Variants in PIK3C2G observed in about 807,000 individuals in gnomAD.
The protein encoded by PIK3C2G is phosphatidylinositol-4-phosphate 3-kinase catalytic subunit type 2 gamma, also known as phosphatidylinositol 3-kinase C2 domain-containing subunit gamma.
Under a neutral mutation model 181.1 loss-of-function variants are expected in PIK3C2G, and 168 were observed. That is an observed-to-expected ratio of 0.93 (90% CI 0.82 to 1.05). The LOEUF is 1.05. Among genes scored for constraint, PIK3C2G ranks in the 50% least tolerant of loss-of-function variants. The probability of loss-of-function intolerance (pLI) is 0.00; values close to 1 mark genes in which losing one functional copy is unlikely to be tolerated. For missense variants in PIK3C2G, 1,869 were observed against 1,732.8 expected (o/e 1.08, Z -1.40); for synonymous variants, 573 against 592.2 (o/e 0.97, Z 0.47).
intron 30 of PIK3C2G, among the ~76,000 whole-genome samples, chr12:18,595,463 G>A (rs1039071296): frequency 7.2e-5 from 11 of 152,104 alleles, no homozygotes; most frequent in African/African-American, 2.7e-4. Context: ...CCAGATACCT[G>A]TGTATCTAGG....
intron 31 of PIK3C2G, 114 bp from the exon 32 acceptor site, chr12:18,640,315 C>A: frequency 1.2e-6 from 1 of 811,276 alleles, no homozygotes; most frequent in Non-Finnish European, 1.9e-6. Context: ...TTCACATCAA[C>A]AAAGTGACTG....
intron 24 of PIK3C2G, 139 bp from the exon 25 acceptor site, chr12:18,538,017 C>T: frequency 1.4e-6 from 1 of 704,832 alleles, no homozygotes; most frequent in Non-Finnish European, 2.3e-6. Context: ...CAAGCTGCCT[C>T]ACAATGAAGG....
chr12:18,283,898 C>T (rs542485899), intron 2 of PIK3C2G, among the ~76,000 whole-genome samples: 1 of 152,136 alleles, frequency 6.6e-6, no homozygotes, highest in African/African-American at 2.4e-5. Flanking sequence ...GAAAAGCAAG[C>T]CCTGTGATCA....
intron 26 of PIK3C2G, among the ~76,000 whole-genome samples, chr12:18,547,167 T>A (rs1205075999): frequency 1.3e-5 from 2 of 152,024 alleles, no homozygotes; most frequent in Non-Finnish European, 2.9e-5. Context: ...CACTGAAAAT[T>A]TATAAACAGA....
At chr12:18,698,360 A>C in the PIK3C2G span, among the ~76,000 whole-genome samples, 1 of 151,800 alleles carries the variant, frequency 6.6e-6, no homozygotes, top group African/African-American at 2.4e-5. Flanking sequence ...ATTTAACTGT[A>C]GTCCAGACCT....
intron 5 of PIK3C2G, among the ~76,000 whole-genome samples, chr12:18,308,381 G>A (rs1950504708): frequency 6.6e-6 from 1 of 151,474 alleles, no homozygotes; most frequent in Non-Finnish European, 1.5e-5. Flanking sequence ...AACATTTTAT[G>A]TCCATAAATT....
the PIK3C2G span, among the ~76,000 whole-genome samples, chr12:18,678,035 G>T: frequency 6.6e-6 from 1 of 152,080 alleles, no homozygotes; most frequent in African/African-American, 2.4e-5. Flanking sequence ...TTAAATGAAT[G>T]ACATTGTGGA....
chr12:18,522,474 T>C (rs1015472978), intron 24 of PIK3C2G, among the ~76,000 whole-genome samples: 1 of 151,740 alleles, frequency 6.6e-6, no homozygotes, highest in African/African-American at 2.4e-5. Flanking sequence ...ATTTTTTCCC[T>C]CATTTCTGAA....
At chr12:18,477,807 T>C (rs1939156912) in intron 18 of PIK3C2G, among the ~76,000 whole-genome samples, 1 of 152,162 alleles carries the variant, frequency 6.6e-6, no homozygotes, top group South Asian at 2.1e-4. Flanking sequence ...GATTTGAAGC[T>C]GAGGTTCCAG....
chr12:18,524,523 G>A (rs1943110961), intron 24 of PIK3C2G, among the ~76,000 whole-genome samples: 1 of 151,234 alleles, frequency 6.6e-6, no homozygotes. Flanking sequence ...TATGTTAATG[G>A]TGTGACCTTA....
intron 32 of PIK3C2G, among the ~76,000 whole-genome samples, chr12:18,644,538 C>A (rs1467966463): frequency 6.6e-6 from 1 of 152,082 alleles, no homozygotes; most frequent in African/African-American, 2.4e-5. Context: ...CATTTTACAT[C>A]CCTTAAAATC....
At chr12:18,475,856 T>C (rs1240569618) in intron 18 of PIK3C2G, among the ~76,000 whole-genome samples, 1 of 152,064 alleles carries the variant, frequency 6.6e-6, no homozygotes, top group Non-Finnish European at 1.5e-5. Flanking sequence ...ACTAGGTTAG[T>C]TTGGGCTCAT....
At chr12:18,604,112 A>G (rs1285720980) in intron 30 of PIK3C2G, among the ~76,000 whole-genome samples, 4 of 152,354 alleles carry the variant, frequency 2.6e-5, no homozygotes, top group South Asian at 2.1e-4. Context: ...CACAGAATGC[A>G]TAAGAACTCA....
the PIK3C2G span, among the ~76,000 whole-genome samples, chr12:18,688,418 T>C: frequency 6.6e-6 from 1 of 152,042 alleles, no homozygotes; most frequent in Non-Finnish European, 1.5e-5. Context: ...CAAGAATATG[T>C]ACAAAATTAT....
chr12:18,656,910 C>T, the PIK3C2G span, among the ~76,000 whole-genome samples: 1 of 152,162 alleles, frequency 6.6e-6, no homozygotes, highest in South Asian at 2.1e-4. Flanking sequence ...GTTAAAGTTA[C>T]TTTGGCCCCA....
intron 18 of PIK3C2G, among the ~76,000 whole-genome samples, chr12:18,439,434 G>A (rs1021141949): frequency 9.2e-5 from 14 of 151,962 alleles, no homozygotes; most frequent in East Asian, 1.9e-4. Flanking sequence ...CTTTTAAAGC[G>A]TTATTTAATG....
rs12313892 is a variant in PIK3C2G at position 18,349,841 on chromosome 12, A to G, written c.1625+3005A>G. 4.0e-3 allele frequency among the ~76,000 whole-genome samples: 601 copies of G among 151,940 alleles called. 1 individual carries two copies. Among genetic ancestry groups the G allele is most frequent in the African/African-American group, 0.014 (565 of 41,404 alleles). On this transcript the variant is annotated intron_variant, in intron 11 of 32. Transcript: ENST00000538779. Reference sequence around the variant, plus strand: ...GTAGGTAGGACTATAGTTTTTAAAAACCTCTAGTACCCAAAACATGTCCTG... The same window carrying G: ...GTAGGTAGGACTATAGTTTTTAAAAGCCTCTAGTACCCAAAACATGTCCTG...
intron 4 of PIK3C2G, among the ~76,000 whole-genome samples, chr12:18,292,847 G>C (rs1005229528): frequency 6.6e-6 from 1 of 152,156 alleles, no homozygotes; most frequent in Non-Finnish European, 1.5e-5. Flanking sequence ...GACAGATCTT[G>C]TTTAGAGTCT....
Position 18,578,722 on chromosome 12 carries a change from T to A in PIK3C2G, c.4011+11665T>A, listed in dbSNP as rs114681835. On this transcript the variant is annotated intron_variant, in intron 29 of 32. Transcript: ENST00000538779. The stretch of plus-strand genomic sequence containing the variant: ...CTTCATATATATTAACATAGTTATA[T>A]CTACATAAACATTAGAATTTATGTA... Among the ~76,000 whole-genome samples the A allele has an allele frequency of 7.9e-3, 1,199 of 152,300 alleles. 11 individuals are homozygous for A. The highest frequency in any genetic ancestry group is 0.027 in the African/African-American group (1,136 of 41,562).
Sources: allele counts gnomAD v4.1 joint callset (sites outside exome capture counted in the v4.1 genomes callset), GRCh38; gene constraint gnomAD v4.1.1; transcripts MANE v1.5; gene names NCBI Gene and HGNC (gene_info 2026-07-23, HGNC 2026-07-21).